ADGRB3: variants seen among roughly 807,000 people sequenced by gnomAD.
ADGRB3 encodes the protein adhesion G protein-coupled receptor B3.
A neutral mutation model predicts 193.4 loss-of-function variants in ADGRB3; 37 were observed. The ratio of observed to expected loss-of-function variants is 0.19; its 90% CI spans 0.15 to 0.25. The LOEUF is 0.25. Ranked by LOEUF, ADGRB3 falls within the 10% of genes least tolerant of loss-of-function variation. The probability of loss-of-function intolerance (pLI) is 1.00; values close to 1 mark genes in which losing one functional copy is unlikely to be tolerated. For synonymous variants in ADGRB3, 690 were observed against 644.2 expected (o/e 1.07, Z -1.08); for missense variants, 1,637 against 1,852.9 (o/e 0.88, Z 2.14).
chr6:69,281,940 A>G (rs1467915664), intron 20 of ADGRB3, among the ~76,000 whole-genome samples: 2 of 152,138 alleles, frequency 1.3e-5, no homozygotes, highest in Non-Finnish European at 2.9e-5. Context: ...TGATTTGGGC[A>G]TGTCAGTGGG....
intron 17 of ADGRB3, among the ~76,000 whole-genome samples, chr6:69,148,053 A>G (rs1774556437): frequency 6.6e-6 from 1 of 152,086 alleles, no homozygotes; most frequent in African/African-American, 2.4e-5. Context: ...CTTGTAGGCA[A>G]AAGATCACTG....
intron 17 of ADGRB3, among the ~76,000 whole-genome samples, chr6:69,196,187 G>A (rs998442465): frequency 3.9e-5 from 6 of 151,966 alleles, no homozygotes; most frequent in East Asian, 3.9e-4. Context: ...AGGAATACAT[G>A]GGTACATAAA....
Position 68,867,354 on chromosome 6 carries a change from C to CT in ADGRB3, c.758-63204dup, listed in dbSNP as rs1223396326. ...TGGTGGCTTCCATGTGGTGTTGAGC[C>CT]TGCTGGTGCACAGAAGGCAAGAGTT... is the stretch of plus-strand genomic sequence containing the variant. On this transcript the variant is annotated intron_variant, in intron 3 of 31. Transcript: ENST00000370598. Among the ~76,000 whole-genome samples, 4 of 152,214 alleles carry CT rather than the reference C, an allele frequency of 2.6e-5. No individual in the cohort carries two copies. The East Asian group carries it at 7.7e-4, about 29-fold the overall frequency.
chr6:68,915,717 G>A (rs1194954339), intron 3 of ADGRB3, among the ~76,000 whole-genome samples: 1 of 152,002 alleles, frequency 6.6e-6, no homozygotes, highest in African/African-American at 2.4e-5. Context: ...AGTGGCCTGG[G>A]AAACAGTGAG....
chr6:68,723,628 A>G (rs957519041), intron 3 of ADGRB3, among the ~76,000 whole-genome samples: 2 of 151,738 alleles, frequency 1.3e-5, no homozygotes, highest in African/African-American at 2.4e-5. Context: ...AGCACTATGG[A>G]TTGGATATAC....
chr6:69,283,260 G>A (rs952582407), intron 20 of ADGRB3, among the ~76,000 whole-genome samples: 4 of 152,150 alleles, frequency 2.6e-5, no homozygotes, highest in Admixed American at 2.6e-4. Context: ...ATGCTTTGGG[G>A]AAGAGATTAG....
At chr6:68,705,300 T>C (rs1421783454) in intron 3 of ADGRB3, among the ~76,000 whole-genome samples, 5 of 152,022 alleles carry the variant, frequency 3.3e-5, no homozygotes, top group Non-Finnish European at 7.4e-5. Flanking sequence ...TCTCCAGTGC[T>C]TATCCATTGC....
At chr6:68,825,077 G>A (rs58433143) in intron 3 of ADGRB3, among the ~76,000 whole-genome samples, 4,848 of 151,942 alleles carry the variant, frequency 0.032, 268 homozygotes, top group African/African-American at 0.11. Flanking sequence ...GGCTGGCTTC[G>A]AATTCCTGAC....
At chr6:68,855,116 CA>C (rs2127392435) in intron 3 of ADGRB3, among the ~76,000 whole-genome samples, 1 of 152,276 alleles carries the variant, frequency 6.6e-6, no homozygotes, top group African/African-American at 2.4e-5. Flanking sequence ...CTGCATTTTG[CA>C]TTATTACATT....
In ADGRB3 at chr6:68,875,114, CTTTCT is replaced by C. The variant is rs1233187172; in HGVS notation, c.758-55442_758-55438del. Among the ~76,000 whole-genome samples the C allele has an allele frequency of 5.9e-4, 66 of 111,308 alleles. 2 individuals are homozygous for C. The highest frequency in any genetic ancestry group is 2.0e-3 in the African/African-American group (65 of 32,548). 73.0% of individuals were successfully genotyped at this position (111,308 alleles called of 152,430 possible). On this transcript the variant is annotated intron_variant, in intron 3 of 31. Coordinates refer to ENST00000370598, the MANE Select transcript of ADGRB3 (RefSeq NM_001704.3). ...TTCTTTCTCCTTCCTTCCTTCCTTC[CTTTCT>C]TTCCTTCTTTCTTTCTTCTTTCATT... is the stretch of plus-strand genomic sequence containing the variant.
chr6:69,285,878 A>T (rs1582605021), intron 20 of ADGRB3, among the ~76,000 whole-genome samples: 1 of 152,022 alleles, frequency 6.6e-6, no homozygotes, highest in South Asian at 2.1e-4. Flanking sequence ...GACAGATGCC[A>T]GTCTAGTGCT....
At chr6:69,133,013 G>A (rs1184328644) in intron 17 of ADGRB3, among the ~76,000 whole-genome samples, 1 of 152,154 alleles carries the variant, frequency 6.6e-6, no homozygotes, top group Non-Finnish European at 1.5e-5. Context: ...GTACCATGCT[G>A]TTTTGGTTAC....
intron 11 of ADGRB3, among the ~76,000 whole-genome samples, chr6:69,009,780 C>G (rs1409057971): frequency 6.6e-6 from 1 of 152,060 alleles, no homozygotes; most frequent in African/African-American, 2.4e-5. Flanking sequence ...TGTCTTTGTC[C>G]CTTGATGTCC....
At chr6:68,843,008 T>A in intron 3 of ADGRB3, among the ~76,000 whole-genome samples, 1 of 146,992 alleles carries the variant, frequency 6.8e-6, no homozygotes. Context: ...AAGCTGGGTG[T>A]AGAAAGAATG....
chr6:68,984,516 T>TA (rs899239151), intron 10 of ADGRB3, among the ~76,000 whole-genome samples: 19 of 152,186 alleles, frequency 1.2e-4, no homozygotes, highest in Admixed American at 7.9e-4. Context: ...GATTAGGAAG[T>TA]AAAAAATGGT....
rs539249450 is a variant in ADGRB3, at chr6:69,192,284, C to T, written c.2481-41006C>T. Among the ~76,000 whole-genome samples the T allele has an allele frequency of 2.3e-4, 35 of 152,114 alleles. 1 individual carries two copies. Among genetic ancestry groups the T allele is most frequent in the South Asian group, 8.3e-4 (4 of 4,810 alleles). ...TCCCAAAGCTGAAGAACTTGGAGTC[C>T]GATGTTAGAGGGCAGGAAGTGGATG... is the stretch of plus-strand genomic sequence containing the variant. On this transcript the variant is annotated intron_variant, in intron 17 of 31. Coordinates refer to ENST00000370598, the MANE Select transcript of ADGRB3 (RefSeq NM_001704.3).
intron 20 of ADGRB3, among the ~76,000 whole-genome samples, chr6:69,295,206 A>C (rs2127294138): frequency 6.6e-6 from 1 of 152,304 alleles, no homozygotes; most frequent in South Asian, 2.1e-4. Context: ...TATATAAATA[A>C]CGAGGTAACA....
chr6:68,968,422 T>C (rs1246877165), intron 8 of ADGRB3, among the ~76,000 whole-genome samples: 1 of 152,226 alleles, frequency 6.6e-6, no homozygotes, highest in Non-Finnish European at 1.5e-5. Context: ...TTCGTTTTCT[T>C]ATGTCACGAC....
chr6:68,721,373 A>G (rs1344153568), intron 3 of ADGRB3, among the ~76,000 whole-genome samples: 1 of 151,688 alleles, frequency 6.6e-6, no homozygotes, highest in Non-Finnish European at 1.5e-5. Flanking sequence ...AACTATCACA[A>G]GGACAAAAAA....
Sources: gnomAD v4.1 joint callset for allele counts (sites outside exome capture counted in the v4.1 genomes callset) on GRCh38, gnomAD v4.1.1 for gene constraint, MANE v1.5 for transcripts, NCBI Gene and HGNC (gene_info 2026-07-23, HGNC 2026-07-21) for gene names.